SPMAP2L: variants seen among roughly 807,000 people sequenced by gnomAD.
SPMAP2L encodes the protein sperm microtubule associated protein 2-like.
chr4:56,592,241 T>G, the SPMAP2L span, among the ~76,000 whole-genome samples: 6 of 152,200 alleles, frequency 3.9e-5, no homozygotes, highest in South Asian at 2.1e-4. Context: ...AAACCATCCT[T>G]TTCCCAACAC....
the SPMAP2L span, chr4:56,531,181 C>T: frequency 1.3e-6 from 2 of 1,516,800 alleles, no homozygotes; most frequent in Middle Eastern, 1.7e-4. Flanking sequence ...TAGGTGTTCC[C>T]CTTCCCTCGT....
At chr4:56,622,788 T>G in the SPMAP2L span, among the ~76,000 whole-genome samples, 3 of 152,198 alleles carry the variant, frequency 2.0e-5, no homozygotes, top group Non-Finnish European at 2.9e-5. Context: ...TTCTCTGCCT[T>G]GAATCATGGC....
the SPMAP2L span, among the ~76,000 whole-genome samples, chr4:56,584,823 A>G: frequency 3.3e-5 from 5 of 152,240 alleles, no homozygotes; most frequent in Admixed American, 1.3e-4. Context: ...AGGATTTATT[A>G]TAGAGATTAG....
chr4:56,593,365 A>G, the SPMAP2L span: 1 of 1,238,526 alleles, frequency 8.1e-7, no homozygotes, highest in South Asian at 1.2e-5. Flanking sequence ...GACTCGAGCC[A>G]AATATACTGG....
At chr4:56,568,545 A>C in the SPMAP2L span, among the ~76,000 whole-genome samples, 1 of 152,218 alleles carries the variant, frequency 6.6e-6, no homozygotes, top group African/African-American at 2.4e-5. Context: ...TATATAATTT[A>C]GTATAAAAGT....
At chr4:56,530,895 C>T in the SPMAP2L span, 1 of 1,534,982 alleles carries the variant, frequency 6.5e-7, no homozygotes, top group African/African-American at 1.4e-5. Context: ...GAGACGAGTC[C>T]GAGGAATGTG....
chr4:56,534,262 A>G, the SPMAP2L span, among the ~76,000 whole-genome samples: 7 of 152,140 alleles, frequency 4.6e-5, no homozygotes, highest in Admixed American at 2.0e-4. Flanking sequence ...GTGAAATTCA[A>G]TGGCTAATTC....
At chr4:56,619,550 TGTCG>T in the SPMAP2L span, among the ~76,000 whole-genome samples, 1 of 152,224 alleles carries the variant, frequency 6.6e-6, no homozygotes, top group African/African-American at 2.4e-5. Context: ...TAGTCCATAT[TGTCG>T]CATGAGGCAG....
At chr4:56,611,024 A>G in the SPMAP2L span, among the ~76,000 whole-genome samples, 2 of 152,356 alleles carry the variant, frequency 1.3e-5, no homozygotes, top group African/African-American at 4.8e-5. Flanking sequence ...CCCCTGTGGA[A>G]AACAGTGTGG....
At chr4:56,553,062 C>T in the SPMAP2L span, among the ~76,000 whole-genome samples, 1 of 152,122 alleles carries the variant, frequency 6.6e-6, no homozygotes, top group South Asian at 2.1e-4. Flanking sequence ...TAGAACACAC[C>T]TGTCCTCTGG....
the SPMAP2L span, among the ~76,000 whole-genome samples, chr4:56,546,759 C>G: frequency 1.3e-5 from 2 of 152,188 alleles, no homozygotes; most frequent in Admixed American, 1.3e-4. Context: ...TTTACTGACT[C>G]TCTAACCTGT....
At chr4:56,537,429 A>G in the SPMAP2L span, among the ~76,000 whole-genome samples, 1 of 152,090 alleles carries the variant, frequency 6.6e-6, no homozygotes, top group African/African-American at 2.4e-5. Flanking sequence ...ATGTTTCTCA[A>G]ATTGACTATA....
At chr4:56,608,376 G>A in the SPMAP2L span, among the ~76,000 whole-genome samples, 16 of 152,216 alleles carry the variant, frequency 1.1e-4, no homozygotes, top group African/African-American at 3.6e-4. Context: ...GTGACCAAGA[G>A]AATGTTTGGT....
At chr4:56,588,432 A>ATTT in the SPMAP2L span, among the ~76,000 whole-genome samples, 8 of 142,548 alleles carry the variant, frequency 5.6e-5, no homozygotes, top group African/African-American at 2.0e-4. Flanking sequence ...ATCTTCCAGA[A>ATTT]TTTTTTTTTT....
At chr4:56,586,665 C>T in the SPMAP2L span, among the ~76,000 whole-genome samples, 1 of 152,152 alleles carries the variant, frequency 6.6e-6, no homozygotes, top group East Asian at 1.9e-4. Flanking sequence ...TGGCTTAGAC[C>T]TTTCTTGTCA....
At chr4:56,553,815 G>GT in the SPMAP2L span, among the ~76,000 whole-genome samples, 1 of 152,062 alleles carries the variant, frequency 6.6e-6, no homozygotes. Flanking sequence ...AAAATTACCT[G>GT]TGTTCCAACT....
the SPMAP2L span, among the ~76,000 whole-genome samples, chr4:56,611,348 A>G: frequency 6.6e-6 from 1 of 152,094 alleles, no homozygotes; most frequent in Non-Finnish European, 1.5e-5. Context: ...AATGGAGTGT[A>G]TGTTCTCATA....
the SPMAP2L span, among the ~76,000 whole-genome samples, chr4:56,553,718 C>T: frequency 6.6e-6 from 1 of 150,958 alleles, no homozygotes; most frequent in Admixed American, 6.6e-5. Context: ...TTAAGGTTCA[C>T]TTTTTGTGTT....
the SPMAP2L span, among the ~76,000 whole-genome samples, chr4:56,557,517 A>T: frequency 8.0e-3 from 1,217 of 152,354 alleles, 18 homozygotes; most frequent in African/African-American, 0.028. Context: ...AATAAATGTT[A>T]TGATGGGAGA....
Sources: allele counts gnomAD v4.1 joint callset (sites outside exome capture counted in the v4.1 genomes callset), GRCh38; gene constraint gnomAD v4.1.1; transcripts MANE v1.5; gene names NCBI Gene and HGNC (gene_info 2026-07-23, HGNC 2026-07-21).